Variants in MAP2K4 observed in about 807,000 individuals in gnomAD.
MAP2K4 encodes mitogen-activated protein kinase kinase 4.
MAP2K4 carries 4 observed loss-of-function variants against 48.5 expected under a neutral mutation model. The ratio of observed to expected loss-of-function variants is 0.08; its 90% CI spans 0.04 to 0.19. The LOEUF is 0.19. Among genes scored for constraint, MAP2K4 ranks in the 10% least tolerant of loss-of-function variants. The pLI is 1.00. For synonymous variants in MAP2K4, 166 were observed against 173.1 expected (o/e 0.96, Z 0.32); for missense variants, 258 against 493.3 (o/e 0.52, Z 4.52).
At chr17:12,124,581 G>C (rs527566829) in intron 7 of MAP2K4, 1 of 152,126 alleles carries the variant, frequency 6.6e-6, no homozygotes, top group African/African-American at 2.4e-5. Context: ...CTCATCCACC[G>C]AGCAAAGTCT....
intron 6 of MAP2K4, among the ~76,000 whole-genome samples, chr17:12,111,117 C>T (rs1972290070): frequency 6.6e-6 from 1 of 152,130 alleles, no homozygotes; most frequent in Admixed American, 6.5e-5. Flanking sequence ...CACTACCCCT[C>T]AGCAAATTTG....
Position 12,055,108 on chromosome 17 carries a change from G to T in MAP2K4, c.218+117G>T, listed in dbSNP as rs922337562. The T allele has an allele frequency of 6.7e-6, 4 of 596,096 alleles. No individual in the cohort carries two copies. In the Admixed American group the frequency reaches 9.7e-5, roughly 14 times the overall value. The allele number at this position is 596,096 out of a possible 1,614,324, so 36.9% of individuals were successfully genotyped here. ...TAATTTCTCTGACTAAACTCTCTGG[G>T]AATATTGTTTATTCTTTTCCTTCTG... is the stretch of plus-strand genomic sequence containing the variant. On this transcript the variant is annotated intron_variant, in intron 2 of 10. Transcript: ENST00000353533.
chr17:12,131,253 T>C (rs1422159205), intron 9 of MAP2K4, among the ~76,000 whole-genome samples: 1 of 117,486 alleles, frequency 8.5e-6, no homozygotes, highest in Non-Finnish European at 2.0e-5. Flanking sequence ...TTTTTTTTTC[T>C]TTCTTGTTTT....
At chr17:12,069,908 T>C (rs1970737759) in intron 2 of MAP2K4, 35 of 26,310 alleles carry the variant, frequency 1.3e-3, no homozygotes, top group Non-Finnish European at 1.9e-3. Flanking sequence ...TATATATATA[T>C]ATATATATAT....
chr17:12,088,442 T>C (rs1327231573), intron 3 of MAP2K4, among the ~76,000 whole-genome samples: 1 of 88,220 alleles, frequency 1.1e-5, no homozygotes, highest in East Asian at 3.0e-4. Context: ...ATATTACATA[T>C]AATATATATT....
chr17:12,119,956 A>G (rs945987083), intron 7 of MAP2K4, among the ~76,000 whole-genome samples: 3 of 152,224 alleles, frequency 2.0e-5, no homozygotes, highest in African/African-American at 7.2e-5. Flanking sequence ...GAGCTAAATG[A>G]TGAGAACACA....
chr17:12,065,255 CAT>C lies in MAP2K4; in HGVS notation c.218+10269_218+10270del, dbSNP rs1398330757. Among the ~76,000 whole-genome samples the C allele has an allele frequency of 1.8e-4, 12 of 68,276 alleles. No homozygotes were observed. In the Admixed American group the frequency reaches 2.1e-3, roughly 12 times the overall value. 44.8% of individuals were successfully genotyped at this position (68,276 alleles called of 152,430 possible). ...CTGAACAATAACAATTATATATATA[CAT>C]ATATTATTATTATTATTATTATTAT... is the stretch of plus-strand genomic sequence containing the variant. On this transcript the variant is annotated intron_variant, in intron 2 of 10. Transcript: ENST00000353533.
At chr17:12,125,445 CAGACTTCCCCGTTCGTTA>C (rs1972825016) in intron 8 of MAP2K4, 74 bp downstream of exon 8, 2 of 1,171,814 alleles carry the variant, frequency 1.7e-6, no homozygotes, top group Non-Finnish European at 2.6e-6. Context: ...AAAACTTAAT[CAGACTTCCCCGTTCGTTA>C]AGAACTATAA....
At chr17:12,131,234 C>CTTTTTTTTTTTTTTTTTTT (rs11307653) in intron 9 of MAP2K4, among the ~76,000 whole-genome samples, 3 of 130,938 alleles carry the variant, frequency 2.3e-5, no homozygotes, top group Non-Finnish European at 3.3e-5. Flanking sequence ...GGTCACATTT[C>CTTTTTTTTTTTTTTTTTTT]TTTTTTTTTT....
intron 2 of MAP2K4, among the ~76,000 whole-genome samples, chr17:12,065,365 C>A (rs1359900428): frequency 6.8e-6 from 1 of 147,272 alleles, no homozygotes; most frequent in African/African-American, 2.5e-5. Context: ...ATGGTGCGAT[C>A]TCGGCTCACT....
At chr17:12,083,505 G>A (rs779980754) in intron 3 of MAP2K4, among the ~76,000 whole-genome samples, 3 of 152,188 alleles carry the variant, frequency 2.0e-5, no homozygotes, top group African/African-American at 7.2e-5. Context: ...ACCTAGCTTC[G>A]TTTACCATCT....
At chr17:12,042,154 C>T (rs1014066458) in intron 1 of MAP2K4, among the ~76,000 whole-genome samples, 15 of 35,342 alleles carry the variant, frequency 4.2e-4, no homozygotes, top group Admixed American at 3.0e-3. Flanking sequence ...GCAACAAGAA[C>T]GAAACTTTGT....
At chr17:12,090,258 T>C (rs1597456917) in intron 3 of MAP2K4, among the ~76,000 whole-genome samples, 1 of 152,120 alleles carries the variant, frequency 6.6e-6, no homozygotes, top group Non-Finnish European at 1.5e-5. Flanking sequence ...TTTGGGAGAA[T>C]CAGTAGTTGT....
intron 5 of MAP2K4, among the ~76,000 whole-genome samples, chr17:12,109,620 C>T (rs2151574775): frequency 6.6e-6 from 1 of 152,258 alleles, no homozygotes; most frequent in South Asian, 2.1e-4. Flanking sequence ...AGGATAAATT[C>T]CCACAGTGGT....
chr17:12,120,721 C>T (rs1972661185), intron 7 of MAP2K4, among the ~76,000 whole-genome samples: 1 of 152,074 alleles, frequency 6.6e-6, no homozygotes, highest in Non-Finnish European at 1.5e-5. Flanking sequence ...TTTTACAAAG[C>T]CATCTAGCAG....
intron 9 of MAP2K4, among the ~76,000 whole-genome samples, chr17:12,135,024 C>T (rs577062406): frequency 1.1e-4 from 16 of 152,206 alleles, no homozygotes; most frequent in African/African-American, 3.6e-4. Context: ...CATCTCAGCC[C>T]CCCGAGTAGC....
chr17:12,134,183 A>G (rs981159228), intron 9 of MAP2K4, among the ~76,000 whole-genome samples: 8 of 152,148 alleles, frequency 5.3e-5, no homozygotes. Flanking sequence ...TGATACTGCA[A>G]TGATGGCTCT....
intron 7 of MAP2K4, among the ~76,000 whole-genome samples, chr17:12,124,057 G>A (rs1972774522): frequency 1.4e-5 from 2 of 138,980 alleles, no homozygotes; most frequent in South Asian, 5.1e-4. Context: ...ACCTTATCAG[G>A]CAAATACTTA....
chr17:12,058,105 A>G (rs1311418572), intron 2 of MAP2K4, among the ~76,000 whole-genome samples: 1 of 152,082 alleles, frequency 6.6e-6, no homozygotes, highest in Non-Finnish European at 1.5e-5. Context: ...TAGAATTAGT[A>G]GAGCCAAAAT....
Sources: gnomAD v4.1 joint callset for allele counts (sites outside exome capture counted in the v4.1 genomes callset) on GRCh38, gnomAD v4.1.1 for gene constraint, MANE v1.5 for transcripts, NCBI Gene and HGNC (gene_info 2026-07-23, HGNC 2026-07-21) for gene names.